TBC1D2B: variants seen among roughly 807,000 people sequenced by gnomAD.
TBC1D2B encodes TBC1 domain family member 2B.
TBC1D2B carries 64 observed loss-of-function variants against 100.8 expected under a neutral mutation model. The ratio of observed to expected loss-of-function variants is 0.64; its 90% CI spans 0.52 to 0.78. The LOEUF (loss-of-function observed/expected upper bound fraction) is 0.78, where lower values mean the gene tolerates loss of function less well. TBC1D2B is among the 30% of genes least tolerant of loss of function. The probability of loss-of-function intolerance (pLI) is 0.00; values close to 1 mark genes in which losing one functional copy is unlikely to be tolerated. For synonymous variants in TBC1D2B, 480 were observed against 479.7 expected, an observed-to-expected ratio of 1.00 and a Z score of -0.01; for missense variants, 1,052 against 1,218.4, an observed-to-expected ratio of 0.86 and a Z score of 2.03.
In TBC1D2B at chr15:78,030,020, A is replaced by G; in HGVS notation, c.834T>C (p.Pro278=). 6.2e-7 allele frequency: 1 copy of G among 1,606,764 alleles called. No homozygotes were observed. The highest frequency in any genetic ancestry group is 8.5e-7 in the Non-Finnish European group (1 of 1,177,684). Residue 278 remains proline (P), a synonymous_variant, in exon 4 of 13, where the codon CCT becomes CCC. Coordinates refer to ENST00000300584, the MANE Select transcript of TBC1D2B (RefSeq NM_144572.2). ...GTACATTGATACCTTTGTTTCCTTCAGGGGTCAGCTTCTTCTTTTCTTCCT... is the reference window on the plus strand; with the variant it reads ...GTACATTGATACCTTTGTTTCCTTCGGGGGTCAGCTTCTTCTTTTCTTCCT... ...IVQEEKKKLT[P]EGNKGVTGSG...
At chr15:78,077,195 G>C in intron 1 of TBC1D2B, 98 bp downstream of exon 1, 1 of 1,369,374 alleles carries the variant, frequency 7.3e-7, no homozygotes, top group Non-Finnish European at 9.4e-7. Flanking sequence ...CAGGGGCGAG[G>C]AGGCCTTGGA....
chr15:78,077,580 C>A lies in TBC1D2B; in HGVS notation c.73G>T (p.Glu25Ter). 4 of 1,341,744 alleles carry A rather than the reference C, an allele frequency of 3.0e-6. No homozygotes were observed. Among genetic ancestry groups the A allele is most frequent in the Admixed American group, 3.3e-5 (1 of 29,922 alleles). The allele number at this position is 1,341,744 out of a possible 1,614,324, so 83.1% of individuals were successfully genotyped here. Residue 25 changes from glutamate (E) to a stop codon, truncating the protein, a stop_gained, in exon 1 of 13, where the codon GAG (glutamate) becomes TAG (stop). Transcript: ENST00000300584. LOFTEE classifies it high-confidence loss of function. The stretch of plus-strand genomic sequence containing the variant: ...TCCCGCGCCGGACCCGCCCCGGGCT[C>A]CGCGGCCGCCCCCTGCGCCGCGCCC... ...GEGAAQGAAA[E>*]PGAGPAREPA...
intron 3 of TBC1D2B, chr15:78,034,365 C>CA (rs2072892356): frequency 2.6e-6 from 1 of 389,464 alleles, no homozygotes; most frequent in African/African-American, 2.2e-5. Context: ...GGACCCACTG[C>CA]ACCATGACTT....
chr15:78,035,255 T>C (rs1485076925), intron 3 of TBC1D2B, among the ~76,000 whole-genome samples: 2 of 152,230 alleles, frequency 1.3e-5, no homozygotes. Context: ...AGAAAACCTC[T>C]TTCCGGTGGA....
rs139008800 is a variant in TBC1D2B at position 78,023,913 on chromosome 15, C to T, written c.1470+243G>A. On this transcript the variant is annotated intron_variant, in intron 6 of 12. Transcript: ENST00000300584. ...ATATAGAAAGAGAAGTCTTAGTTGC[C>T]TGAAAACAAGGGAGGGGAAGGATTT... 9.8e-3 allele frequency among the ~76,000 whole-genome samples: 1,488 copies of T among 152,256 alleles called. 11 individuals carry two copies. Among genetic ancestry groups the T allele is most frequent in the Middle Eastern group, 0.065 (19 of 294 alleles).
chr15:78,033,753 A>AG (rs903812497), intron 3 of TBC1D2B, among the ~76,000 whole-genome samples: 1 of 152,220 alleles, frequency 6.6e-6, no homozygotes, highest in African/African-American at 2.4e-5. Flanking sequence ...ATTAAAGGAA[A>AG]GGGGGGAAAA....
At chr15:78,054,479 A>G (rs981460173) in intron 1 of TBC1D2B, among the ~76,000 whole-genome samples, 1 of 152,262 alleles carries the variant, frequency 6.6e-6, no homozygotes, top group Non-Finnish European at 1.5e-5. Flanking sequence ...AAGATGTGAT[A>G]ATACTGCTGC....
rs1596302892 is a variant in TBC1D2B, at chr15:77,996,390, C to G, written c.*1770G>C. On this transcript the variant is annotated 3_prime_UTR_variant, in exon 13 of 13. Transcript: ENST00000300584. ...GCTGCACCTCCTCAGCAGCCGCCCC[C>G]CAGGCTGACAGCTGTCGTTTCACGA... 2 of 151,162 alleles carry G rather than the reference C, an allele frequency of 1.3e-5. No homozygotes were observed. Among genetic ancestry groups the G allele is most frequent in the South Asian group, 4.2e-4 (2 of 4,738 alleles). 9.4% of individuals were successfully genotyped at this position (151,162 alleles called of 1,614,324 possible). A position where few individuals can be genotyped will look rare whatever the true frequency, so the allele number is the denominator to read the frequency against.
At chr15:78,044,101 G>A (rs1017424946) in intron 3 of TBC1D2B, among the ~76,000 whole-genome samples, 1 of 151,916 alleles carries the variant, frequency 6.6e-6, no homozygotes, top group Non-Finnish European at 1.5e-5. Flanking sequence ...ACGGCTGAGG[G>A]TTGACAGAGG....
chr15:78,011,910 G>A (rs1308447578), intron 9 of TBC1D2B, among the ~76,000 whole-genome samples: 3 of 152,006 alleles, frequency 2.0e-5, no homozygotes, highest in African/African-American at 7.2e-5. Context: ...ACCTCCCAAA[G>A]TGCCAGGATT....
At chr15:78,004,656 T>C (rs560837293) in intron 10 of TBC1D2B, among the ~76,000 whole-genome samples, 1 of 152,376 alleles carries the variant, frequency 6.6e-6, no homozygotes, top group South Asian at 2.1e-4. Context: ...ACTTTGATGC[T>C]TTTAATTCTA....
chr15:78,019,060 ACT>A (rs1339028370), intron 6 of TBC1D2B, among the ~76,000 whole-genome samples: 4 of 152,016 alleles, frequency 2.6e-5, no homozygotes, highest in African/African-American at 9.6e-5. Context: ...GTCAAGACAG[ACT>A]CTGGTGATAT....
intron 4 of TBC1D2B, among the ~76,000 whole-genome samples, chr15:78,027,420 G>A (rs922503708): frequency 2.0e-5 from 3 of 152,156 alleles, no homozygotes; most frequent in Admixed American, 6.5e-5. Context: ...TTAAAGATAC[G>A]GGAAAATACA....
intron 2 of TBC1D2B, among the ~76,000 whole-genome samples, chr15:78,051,130 G>GT (rs1369327141): frequency 1.3e-5 from 2 of 152,162 alleles, no homozygotes; most frequent in Non-Finnish European, 2.9e-5. Context: ...GCACTAGTGA[G>GT]TAGCTATGCC....
intron 4 of TBC1D2B, among the ~76,000 whole-genome samples, chr15:78,028,790 C>T (rs1316099405): frequency 6.6e-6 from 1 of 152,172 alleles, no homozygotes; most frequent in Non-Finnish European, 1.5e-5. Flanking sequence ...GAAATACAAT[C>T]AGCAAACCCA....
chr15:78,012,839 A>G lies in TBC1D2B; in HGVS notation c.2254T>C (p.Cys752Arg). Residue 752 changes from cysteine (C) to arginine (R), a missense_variant, in exon 9 of 13, where the codon TGT becomes CGT. Around this residue, in one of 4 missense-constraint regions of TBC1D2B, gnomAD observed 373 missense variants for 464.9 expected, o/e 0.80. Coordinates refer to ENST00000300584, the MANE Select transcript of TBC1D2B (RefSeq NM_144572.2). ...FSWRNPDIGY[C>R]QGLNRLVAVA... is the part of the protein sequence containing the mutation. ...TGCACCCACCTGTTTAGGCCTTGAC[A>G]GTAGCCGATATCTGGATTCCGCCAG... The G allele has an allele frequency of 6.6e-7, 1 of 1,513,622 alleles. No individual in the cohort carries two copies. The highest frequency in any genetic ancestry group is 8.8e-7 in the Non-Finnish European group (1 of 1,131,914). 93.8% of individuals were successfully genotyped at this position (1,513,622 alleles called of 1,614,324 possible).
chr15:78,027,298 T>C (rs1350117808), intron 4 of TBC1D2B, among the ~76,000 whole-genome samples: 1 of 152,164 alleles, frequency 6.6e-6, no homozygotes, highest in Admixed American at 6.5e-5. Flanking sequence ...TCGTCCTCCT[T>C]CTTGAAGTGA....
At chr15:78,077,223 C>T (rs1374804139) in intron 1 of TBC1D2B, 70 bp downstream of exon 1, 73 of 1,399,536 alleles carry the variant, frequency 5.2e-5, no homozygotes, top group Non-Finnish European at 6.3e-5. Context: ...GGGTGGATGG[C>T]GCAAGCCAGT....
intron 10 of TBC1D2B, among the ~76,000 whole-genome samples, chr15:78,006,824 T>A (rs1285893438): frequency 1.3e-5 from 2 of 152,156 alleles, no homozygotes; most frequent in Non-Finnish European, 2.9e-5. Context: ...AAAGAGTAGC[T>A]CATGTAAGTT....
Sources: allele counts gnomAD v4.1 joint callset (sites outside exome capture counted in the v4.1 genomes callset), GRCh38; gene constraint gnomAD v4.1.1; regional missense constraint gnomAD v4.1.1; transcripts MANE v1.5; gene names NCBI Gene and HGNC (gene_info 2026-07-23, HGNC 2026-07-21).